The following FAM20C variants were observed in gnomAD, a reference collection of about 807,000 sequenced individuals.
FAM20C encodes FAM20C golgi associated secretory pathway kinase.
A neutral mutation model predicts 51.5 loss-of-function variants in FAM20C; 40 were observed. The ratio of observed to expected loss-of-function variants is 0.78; its 90% CI spans 0.60 to 1.01. The LOEUF is 1.01. FAM20C is among the 50% of genes least tolerant of loss of function. The pLI, the probability that FAM20C is intolerant of heterozygous loss-of-function variation, is 0.00. For synonymous variants in FAM20C, 406 were observed against 380.6 expected, an observed-to-expected ratio of 1.07 and a Z score of -0.78; for missense variants, 861 against 844.7, an observed-to-expected ratio of 1.02 and a Z score of -0.24.
chr7:230,504 TG>T lies in FAM20C; in HGVS notation c.864-15907del, dbSNP rs78296295. Among the ~76,000 whole-genome samples, 81 of 152,100 alleles carry T rather than the reference TG, an allele frequency of 5.3e-4. 2 individuals are homozygous for T. In the East Asian group the frequency reaches 0.014, roughly 26 times the overall value. ...CCAGGAGCCCTTCACGAGGCTCCTGTGGGGCCGTGGGTGGATGGAGGGTGGC... is the reference window on the plus strand; with the variant it reads ...CCAGGAGCCCTTCACGAGGCTCCTGTGGGCCGTGGGTGGATGGAGGGTGGC... On this transcript the variant is annotated intron_variant, in intron 3 of 9. Transcript: ENST00000313766.
rs113155513 is a variant in FAM20C at position 213,324 on chromosome 7, G to A, written c.863+4348G>A. On this transcript the variant is annotated intron_variant, in intron 3 of 9. Transcript: ENST00000313766. ...GTGTGTGGTCCTTTGTGAGTGACAC[G>A]TTTCCAAGGCTCTGGAGTCCTGCAG... Among the ~76,000 whole-genome samples the A allele has an allele frequency of 8.0e-5, 12 of 150,036 alleles. No homozygotes were observed. In the East Asian group the frequency reaches 1.8e-3, roughly 22 times the overall value.
intron 3 of FAM20C, among the ~76,000 whole-genome samples, chr7:227,123 A>AT (rs143466747): frequency 0.014 from 2,107 of 149,442 alleles, 53 homozygotes; most frequent in African/African-American, 0.048. Context: ...AAGGAAAGTC[A>AT]TTTTTTTTTT....
Position 195,718 on chromosome 7 carries a change from G to A in FAM20C, c.770G>A (p.Arg257Lys), listed in dbSNP as rs1785834062. The part of the protein sequence containing the change: ...EALLHDLSSQ[R>K]ITSVAMKSGG... ...CTGCTGCACGACCTCAGCTCCCAGAGGATCACCAGCGTGGGTAGGTGTCCT... is the reference window on the plus strand; with the variant it reads ...CTGCTGCACGACCTCAGCTCCCAGAAGATCACCAGCGTGGGTAGGTGTCCT... The change falls in exon 2 of 10, where the codon AGG becomes AAG. Residue 257 changes from arginine (R) to lysine (K), a missense_variant. Transcript: ENST00000313766. 1 of 1,606,372 alleles carries A rather than the reference G, an allele frequency of 6.2e-7. No homozygotes were observed. The highest frequency in any genetic ancestry group is 8.5e-7 in the Non-Finnish European group (1 of 1,176,038).
chr7:207,734 A>G (rs1173040294), intron 2 of FAM20C, among the ~76,000 whole-genome samples: 1 of 151,808 alleles, frequency 6.6e-6, no homozygotes, highest in Non-Finnish European at 1.5e-5. Context: ...CGTGGCCCGG[A>G]CCTACCGGTC....
Position 193,221 on chromosome 7 carries a change from C to G in FAM20C, c.22C>G (p.Arg8Gly). 12 of 1,461,782 alleles carry G rather than the reference C, an allele frequency of 8.2e-6. No individual in the cohort carries two copies. The highest frequency in any genetic ancestry group is 1.1e-5 in the Non-Finnish European group (12 of 1,101,680). 90.6% of individuals were successfully genotyped at this position (1,461,782 alleles called of 1,614,324 possible). A position where few individuals can be genotyped will look rare whatever the true frequency, so the allele number is the denominator to read the frequency against. ...GGCCATGAAGATGATGCTGGTGCGC[C>G]GGTTCCGCGTGCTCATCCTGATGGT... is the stretch of plus-strand genomic sequence containing the variant. Reference protein sequence around the residue: MKMMLVRRFRVLILMVFL... With the variant: MKMMLVRGFRVLILMVFL... Residue 8 changes from arginine (R) to glycine (G), a missense_variant, in exon 1 of 10, where the codon CGG becomes GGG. Physicochemically the swap from Arg to Gly is moderately radical, Grantham distance 125 (BLOSUM62 -2). Around this residue, in one of 3 missense-constraint regions of FAM20C, gnomAD observed 561 missense variants for 499.8 expected, o/e 1.12. Coordinates refer to ENST00000313766, the MANE Select transcript of FAM20C (RefSeq NM_020223.4).
At chr7:205,765 C>A (rs1050385932) in intron 2 of FAM20C, among the ~76,000 whole-genome samples, 3 of 152,124 alleles carry the variant, frequency 2.0e-5, no homozygotes, top group Non-Finnish European at 4.4e-5. Context: ...TTCTCGTCTG[C>A]GCCCTCCCCC....
chr7:199,798 T>A (rs1163300182), intron 2 of FAM20C, among the ~76,000 whole-genome samples: 1 of 152,192 alleles, frequency 6.6e-6, no homozygotes, highest in Non-Finnish European at 1.5e-5. Flanking sequence ...TGCAGTGCCT[T>A]GGGCTGGGGC....
intron 3 of FAM20C, among the ~76,000 whole-genome samples, chr7:211,993 C>T (rs1264907259): frequency 1.3e-5 from 2 of 152,172 alleles, no homozygotes; most frequent in Non-Finnish European, 2.9e-5. Context: ...AACCAGGGGG[C>T]CTGGATCTGT....
intron 3 of FAM20C, among the ~76,000 whole-genome samples, chr7:217,212 G>T (rs568493775): frequency 1.3e-5 from 2 of 152,140 alleles, no homozygotes; most frequent in Non-Finnish European, 2.9e-5. Context: ...TGGGGGAGGC[G>T]GACACAGCTT....
At position 257,423 on chromosome 7, in the gene FAM20C, T is replaced by C. The variant is rs1216763413; in HGVS notation, c.1445+337T>C. On this transcript the variant is annotated intron_variant, in intron 8 of 9. Coordinates refer to ENST00000313766, the MANE Select transcript of FAM20C (RefSeq NM_020223.4). ...TGGGCCTCTGCCTGCACGCGGTACCTGGAGCCAGCCAGCGGGGGATAGGCG... is the reference window on the plus strand; with the variant it reads ...TGGGCCTCTGCCTGCACGCGGTACCCGGAGCCAGCCAGCGGGGGATAGGCG... 3.6e-5 allele frequency: 9 copies of C among 248,926 alleles called. No individual in the cohort carries two copies. The South Asian group carries it at 4.0e-4, about 11-fold the overall frequency. The allele number at this position is 248,926 out of a possible 1,614,324, so 15.4% of individuals were successfully genotyped here.
Position 193,147 on chromosome 7 carries a change from T to G in FAM20C, c.-53T>G, listed in dbSNP as rs1785644805. On this transcript the variant is annotated 5_prime_UTR_variant, in exon 1 of 10. It removes the in-frame stop codon of an upstream open reading frame in the 5' UTR. Coordinates refer to ENST00000313766, the MANE Select transcript of FAM20C (RefSeq NM_020223.4). ...CGCCGCGCTCGTGCCCAGCTGCAGC[T>G]AGAGGGGCGCGCGGGCAGAACGCGC... is the stretch of plus-strand genomic sequence containing the variant. 19 of 1,405,136 alleles carry G rather than the reference T, an allele frequency of 1.4e-5. No homozygotes were observed. The highest frequency in any genetic ancestry group is 1.7e-5 in the Non-Finnish European group (18 of 1,068,510). The allele number at this position is 1,405,136 out of a possible 1,614,324, so 87.0% of individuals were successfully genotyped here.
At chr7:229,313 C>T (rs77455173) in intron 3 of FAM20C, 7,088 of 186,782 alleles carry the variant, frequency 0.038, 222 homozygotes, top group African/African-American at 0.088. Flanking sequence ...TAAATAATTC[C>T]GCACATCGCC....
At chr7:234,174 A>G (rs1239885046) in intron 3 of FAM20C, among the ~76,000 whole-genome samples, 3 of 152,158 alleles carry the variant, frequency 2.0e-5, no homozygotes, top group African/African-American at 4.8e-5. Context: ...AGAGCACGAG[A>G]GCCTTCCCGG....
intron 3 of FAM20C, among the ~76,000 whole-genome samples, chr7:216,270 G>A (rs1165391428): frequency 1.4e-4 from 1 of 7,010 alleles, no homozygotes; most frequent in Non-Finnish European, 2.8e-4. Flanking sequence ...GAGAGGATGG[G>A]GCTGGGTGGG....
At chr7:230,035 A>T (rs2115115532) in intron 3 of FAM20C, among the ~76,000 whole-genome samples, 1 of 152,260 alleles carries the variant, frequency 6.6e-6, no homozygotes, top group South Asian at 2.1e-4. Flanking sequence ...ACCCTCTGGA[A>T]GGTGCCCCGA....
intron 3 of FAM20C, among the ~76,000 whole-genome samples, chr7:212,829 C>G (rs537223107): frequency 6.6e-5 from 10 of 152,156 alleles, no homozygotes; most frequent in Non-Finnish European, 1.5e-4. Context: ...ACAAGCCATG[C>G]GATTCACCCA....
intron 5 of FAM20C, among the ~76,000 whole-genome samples, chr7:250,430 G>A (rs992151888): frequency 1.3e-5 from 2 of 152,156 alleles, no homozygotes; most frequent in African/African-American, 2.4e-5. Flanking sequence ...ACCAGGAATC[G>A]GGGCAGAGGC....
intron 5 of FAM20C, 45 bp from the exon 6 acceptor site, chr7:255,804 G>A (rs1301077800): frequency 4.6e-6 from 7 of 1,533,344 alleles, no homozygotes; most frequent in African/African-American, 1.4e-5. Context: ...AGGTGAGGAC[G>A]CAGCCCTGTG....
chr7:246,414 G>A lies in FAM20C; in HGVS notation c.864-1G>A. On this transcript the variant is annotated splice_acceptor_variant, in intron 3 of 9. Transcript: ENST00000313766. LOFTEE classifies it high-confidence loss of function. Reference sequence around the variant, plus strand: ...TTTCTGTTTCTGTCTTGTTTTCTCAGACAAACGAGGGAGCAGGAGACACCC... The same window carrying A: ...TTTCTGTTTCTGTCTTGTTTTCTCAAACAAACGAGGGAGCAGGAGACACCC... The A allele has an allele frequency of 7.2e-7, 1 of 1,381,116 alleles. No homozygotes were observed. The allele number at this position is 1,381,116 out of a possible 1,614,324, so 85.6% of individuals were successfully genotyped here.
Sources: gnomAD v4.1 joint callset for allele counts (sites outside exome capture counted in the v4.1 genomes callset) on GRCh38, gnomAD v4.1.1 for gene constraint, gnomAD v4.1.1 regional missense constraint, MANE v1.5 for transcripts, NCBI Gene and HGNC (gene_info 2026-07-23, HGNC 2026-07-21) for gene names.